Variants in AKAP6 observed in about 807,000 individuals in gnomAD.
AKAP6 encodes A-kinase anchor protein 6.
In AKAP6, 58 loss-of-function variants were observed where a neutral mutation model predicts 188.5. That is an observed-to-expected ratio of 0.31 (90% confidence interval 0.25 to 0.38). The LOEUF (loss-of-function observed/expected upper bound fraction) is 0.38. Ranked by LOEUF, AKAP6 falls within the 10% of genes least tolerant of loss-of-function variation. The probability of loss-of-function intolerance (pLI) is 1.00; values close to 1 mark genes in which losing one functional copy is unlikely to be tolerated. For synonymous variants in AKAP6, 989 were observed against 998.6 expected, an observed-to-expected ratio of 0.99 and a Z score of 0.18; for missense variants, 2,710 against 2,740.0, an observed-to-expected ratio of 0.99 and a Z score of 0.24.
chr14:32,507,376 G>A (rs1880932848), intron 2 of AKAP6, among the ~76,000 whole-genome samples: 2 of 152,136 alleles, frequency 1.3e-5, no homozygotes, highest in Non-Finnish European at 2.9e-5. Context: ...ATCTTAAGGT[G>A]GAAGGCTTTA....
intron 12 of AKAP6, among the ~76,000 whole-genome samples, chr14:32,776,641 A>G (rs558094516): frequency 1.8e-4 from 27 of 152,190 alleles, no homozygotes; most frequent in African/African-American, 1.7e-4. Context: ...CATTTAATAA[A>G]TTTTGTTTCA....
intron 2 of AKAP6, among the ~76,000 whole-genome samples, chr14:32,500,439 C>A (rs1002525546): frequency 6.6e-6 from 1 of 152,198 alleles, no homozygotes; most frequent in African/African-American, 2.4e-5. Flanking sequence ...CCAATGATCA[C>A]TTCCTATACT....
At chr14:32,468,758 C>T (rs1348709906) in intron 2 of AKAP6, among the ~76,000 whole-genome samples, 2 of 152,136 alleles carry the variant, frequency 1.3e-5, no homozygotes, top group Non-Finnish European at 2.9e-5. Context: ...AAAGCCCTGA[C>T]AGAAACACAA....
At chr14:32,719,622 G>A (rs921325081) in intron 9 of AKAP6, among the ~76,000 whole-genome samples, 1 of 152,120 alleles carries the variant, frequency 6.6e-6, no homozygotes, top group Non-Finnish European at 1.5e-5. Flanking sequence ...TTGAGGTGTG[G>A]AGCATCTTGG....
intron 9 of AKAP6, among the ~76,000 whole-genome samples, chr14:32,710,121 C>A (rs1421271987): frequency 1.3e-5 from 2 of 151,062 alleles, no homozygotes; most frequent in Non-Finnish European, 2.9e-5. Flanking sequence ...TGTAGCTTTT[C>A]TGAGATGGTA....
rs112327950 is a variant in AKAP6 at position 32,609,856 on chromosome 14, GTCTC to G, written c.2730+9084_2730+9087del. ...TCATGGACCTTAGTGTATTCATGAG[GTCTC>G]TCTCTCTCTCTCTCTCTCTGACACA... On this transcript the variant is annotated intron_variant, in intron 7 of 13. Transcript: ENST00000280979. 2.6e-3 allele frequency among the ~76,000 whole-genome samples: 358 copies of G among 136,844 alleles called. 1 individual carries two copies. The highest frequency in any genetic ancestry group is 4.2e-3 in the Middle Eastern group (1 of 240). 89.8% of individuals were successfully genotyped at this position (136,844 alleles called of 152,430 possible). A position where few individuals can be genotyped will look rare whatever the true frequency, so the allele number is the denominator to read the frequency against.
At chr14:32,544,972 T>G (rs1168649406) in intron 3 of AKAP6, among the ~76,000 whole-genome samples, 1 of 152,176 alleles carries the variant, frequency 6.6e-6, no homozygotes, top group East Asian at 1.9e-4. Flanking sequence ...AAGAATGGAT[T>G]TTTTTGGCTT....
At chr14:32,457,294 A>G (rs1242150544) in intron 2 of AKAP6, among the ~76,000 whole-genome samples, 1 of 152,170 alleles carries the variant, frequency 6.6e-6, no homozygotes, top group Non-Finnish European at 1.5e-5. Flanking sequence ...GAAAGGCTGA[A>G]GCTCCCTTGG....
rs1258613404 is a variant in AKAP6 at position 32,356,971 on chromosome 14, T to C, written c.-35+27563T>C. Among the ~76,000 whole-genome samples, 8 of 152,078 alleles carry C rather than the reference T, an allele frequency of 5.3e-5. No homozygotes were observed. In the South Asian group the frequency reaches 1.2e-3, roughly 24 times the overall value. ...CACCGGACATATGCCTCTAGTAAAA[T>C]TCATATTACAGTGAATTATAATCAT... is the stretch of plus-strand genomic sequence containing the variant. On this transcript the variant is annotated intron_variant, in intron 1 of 13. Coordinates refer to ENST00000280979, the MANE Select transcript of AKAP6 (RefSeq NM_004274.5).
Position 32,778,737 on chromosome 14 carries a change from G to A in AKAP6, c.3588+4844G>A, listed in dbSNP as rs191288399. Among the ~76,000 whole-genome samples, 558 of 145,400 alleles carry A rather than the reference G, an allele frequency of 3.8e-3. 2 individuals are homozygous for A. Among genetic ancestry groups the A allele is most frequent in the Non-Finnish European group, 6.4e-3 (428 of 66,630 alleles). On this transcript the variant is annotated intron_variant, in intron 12 of 13. Transcript: ENST00000280979. ...TTTTTTTTTTTTTTTTGGAGAGATGGGATCTCGCTATGTTGCGCAGGCTAG... is the reference window on the plus strand; with the variant it reads ...TTTTTTTTTTTTTTTTGGAGAGATGAGATCTCGCTATGTTGCGCAGGCTAG...
intron 9 of AKAP6, among the ~76,000 whole-genome samples, chr14:32,726,822 C>T (rs912883071): frequency 1.3e-5 from 2 of 152,272 alleles, no homozygotes; most frequent in East Asian, 1.9e-4. Flanking sequence ...AGAAGAGCTG[C>T]GGGGCTGTCA....
At chr14:32,600,965 C>G (rs534431469) in intron 7 of AKAP6, among the ~76,000 whole-genome samples, 173 bp downstream of exon 7, 22 of 152,112 alleles carry the variant, frequency 1.4e-4, no homozygotes, top group Middle Eastern at 3.4e-3. Context: ...AACAATAAAG[C>G]CTTCAACTTC....
intron 7 of AKAP6, among the ~76,000 whole-genome samples, chr14:32,668,260 A>G (rs1889035962): frequency 6.6e-6 from 1 of 152,154 alleles, no homozygotes; most frequent in Admixed American, 6.6e-5. Flanking sequence ...AACTACAGGC[A>G]TTACAAAAAG....
intron 1 of AKAP6, among the ~76,000 whole-genome samples, chr14:32,343,813 G>T (rs147669947): frequency 1.1e-4 from 17 of 147,862 alleles, no homozygotes; most frequent in African/African-American, 3.2e-4. Context: ...GAACTGGGGA[G>T]ACTAGCAGTA....
At chr14:32,534,930 A>C (rs1390609848) in intron 2 of AKAP6, among the ~76,000 whole-genome samples, 1 of 149,232 alleles carries the variant, frequency 6.7e-6, no homozygotes, top group African/African-American at 2.5e-5. Flanking sequence ...GCGCCATTGC[A>C]TTCCAGCCTA....
At chr14:32,330,700 C>A (rs574297433) in intron 1 of AKAP6, among the ~76,000 whole-genome samples, 2 of 137,900 alleles carry the variant, frequency 1.5e-5, no homozygotes, top group African/African-American at 5.4e-5. Context: ...ATACCTTTAG[C>A]TAGCTTGGAG....
chr14:32,428,775 C>T (rs1566497177), intron 1 of AKAP6, among the ~76,000 whole-genome samples: 1 of 152,152 alleles, frequency 6.6e-6, no homozygotes, highest in East Asian at 1.9e-4. Context: ...CAACCCAAAA[C>T]TTGTGGACAT....
intron 7 of AKAP6, among the ~76,000 whole-genome samples, chr14:32,642,370 C>T (rs1012354973): frequency 3.3e-5 from 5 of 152,152 alleles, no homozygotes; most frequent in African/African-American, 9.7e-5. Flanking sequence ...ACAATTTTAT[C>T]GCTAATAGAT....
intron 4 of AKAP6, among the ~76,000 whole-genome samples, chr14:32,558,977 G>A (rs571415128): frequency 7.4e-4 from 112 of 152,328 alleles, no homozygotes; most frequent in Non-Finnish European, 1.1e-3. Context: ...AAGGTGTCTC[G>A]TAAACTAACT....
Sources: gnomAD v4.1 joint callset for allele counts (sites outside exome capture counted in the v4.1 genomes callset) on GRCh38, gnomAD v4.1.1 for gene constraint, MANE v1.5 for transcripts, NCBI Gene and HGNC (gene_info 2026-07-23, HGNC 2026-07-21) for gene names.